The following TBX5 variants were observed in gnomAD, a reference collection of about 807,000 sequenced individuals.
TBX5 encodes the protein T-box transcription factor 5, also known as T-box transcription factor TBX5.
A neutral mutation model predicts 51.1 loss-of-function variants in TBX5; 8 were observed. The ratio of observed to expected loss-of-function variants is 0.16; its 90% CI spans 0.09 to 0.28. The LOEUF is 0.28. TBX5 is among the 10% of genes least tolerant of loss of function. TBX5 has a pLI of 1.00. For missense variants in TBX5, 589 were observed against 671.7 expected, an observed-to-expected ratio of 0.88 and a Z score of 1.36; for synonymous variants, 302 against 266.4, an observed-to-expected ratio of 1.13 and a Z score of -1.30.
chr12:114,365,394 A>G (rs1023813985), intron 8 of TBX5, among the ~76,000 whole-genome samples: 15 of 152,098 alleles, frequency 9.9e-5, no homozygotes, highest in African/African-American at 3.6e-4. Flanking sequence ...TTTCCAGTCA[A>G]TTCTTCCTCC....
chr12:114,363,658 T>C (rs533010936), intron 8 of TBX5, among the ~76,000 whole-genome samples: 1 of 152,222 alleles, frequency 6.6e-6, no homozygotes, highest in South Asian at 2.1e-4. Context: ...AGAGTAGTGG[T>C]GAAATGCACA....
At chr12:114,381,714 AT>A (rs1870514850) in intron 7 of TBX5, among the ~76,000 whole-genome samples, 1 of 152,122 alleles carries the variant, frequency 6.6e-6, no homozygotes, top group Non-Finnish European at 1.5e-5. Flanking sequence ...TAGAACAAGA[AT>A]TGACCCCAGG....
intron 6 of TBX5, among the ~76,000 whole-genome samples, chr12:114,393,741 C>T (rs970075392): frequency 9.2e-5 from 14 of 152,154 alleles, no homozygotes; most frequent in Admixed American, 5.9e-4. Flanking sequence ...GACAGCATAC[C>T]GCCCCTACAC....
intron 8 of TBX5, among the ~76,000 whole-genome samples, chr12:114,364,605 C>T (rs998391615): frequency 3.3e-5 from 5 of 152,178 alleles, no homozygotes; most frequent in Non-Finnish European, 1.5e-5. Flanking sequence ...CTGTATCTGT[C>T]TTCTCAAGCT....
chr12:114,379,198 C>T (rs140403075), intron 7 of TBX5, among the ~76,000 whole-genome samples: 79 of 152,304 alleles, frequency 5.2e-4, no homozygotes, highest in African/African-American at 1.8e-3. Context: ...AATAGCATGA[C>T]CCACCAATCA....
chr12:114,376,974 C>A (rs1168980914), intron 7 of TBX5, among the ~76,000 whole-genome samples: 1 of 151,948 alleles, frequency 6.6e-6, no homozygotes, highest in African/African-American at 2.4e-5. Context: ...CATGCCTTGA[C>A]AAATAACCAT....
intron 6 of TBX5, among the ~76,000 whole-genome samples, chr12:114,389,492 C>T (rs528554106): frequency 2.0e-5 from 3 of 151,734 alleles, no homozygotes; most frequent in South Asian, 2.1e-4. Flanking sequence ...CGGTGGCTCA[C>T]GCCTGTAATC....
chr12:114,403,739 G>T lies in TBX5; in HGVS notation c.147+13C>A, dbSNP rs201290379. On this transcript the variant is annotated intron_variant, in intron 2 of 8. Coordinates refer to ENST00000405440, the MANE Select transcript of TBX5 (RefSeq NM_181486.4). ...ATCTCTGCAAAGGGACCCGAAGCGC[G>T]AGGTCTCCTTACCTGCTGGGTGAAG... The T allele has an allele frequency of 1.2e-4, 196 of 1,612,444 alleles. 1 individual carries two copies. Among genetic ancestry groups the T allele is most frequent in the South Asian group, 1.1e-3 (102 of 91,044 alleles).
intron 1 of TBX5, among the ~76,000 whole-genome samples, chr12:114,404,877 G>A (rs755792834): frequency 6.6e-6 from 1 of 152,234 alleles, no homozygotes; most frequent in Non-Finnish European, 1.5e-5. Flanking sequence ...CTAGGCTGGA[G>A]ACATTGAATC....
chr12:114,387,114 A>C (rs57019446), intron 6 of TBX5, among the ~76,000 whole-genome samples: 39,131 of 149,392 alleles, frequency 0.26, 5,203 homozygotes, highest in South Asian at 0.34. Flanking sequence ...TCAAAAAAAA[A>C]ACAAAAAACA....
chr12:114,377,564 T>C lies in TBX5; in HGVS notation c.755+7912A>G, dbSNP rs11067090. Among the ~76,000 whole-genome samples, 2,648 of 152,008 alleles carry C rather than the reference T, an allele frequency of 0.017. 324 individuals carry two copies. In the East Asian group the frequency reaches 0.35, roughly 20 times the overall value. On this transcript the variant is annotated intron_variant, in intron 7 of 8. Transcript: ENST00000405440. ...GGCTATCATGTCCAGTTAATCTTTTTTTTTTTTTTTATCTTTTTCTTTTTC... is the reference window on the plus strand; with the variant it reads ...GGCTATCATGTCCAGTTAATCTTTTCTTTTTTTTTTATCTTTTTCTTTTTC...
chr12:114,399,761 G>A (rs1871682133), intron 3 of TBX5, 129 bp from the exon 4 acceptor site: 13 of 1,438,912 alleles, frequency 9.0e-6, no homozygotes, highest in African/African-American at 1.4e-5. Context: ...GCCCCGTTCC[G>A]CTCTCCGCAA....
At chr12:114,363,966 C>T (rs982217321) in intron 8 of TBX5, among the ~76,000 whole-genome samples, 8 of 152,174 alleles carry the variant, frequency 5.3e-5, no homozygotes, top group African/African-American at 1.2e-4. Context: ...GCAGACGTGC[C>T]GGGAGTCACG....
At chr12:114,397,501 T>C (rs1222461341) in intron 5 of TBX5, among the ~76,000 whole-genome samples, 2 of 152,248 alleles carry the variant, frequency 1.3e-5, no homozygotes, top group Non-Finnish European at 2.9e-5. Context: ...AGTAATTAAT[T>C]ATCTTCTACG....
At chr12:114,358,439 A>G (rs1225195553) in intron 8 of TBX5, among the ~76,000 whole-genome samples, 2 of 152,168 alleles carry the variant, frequency 1.3e-5, no homozygotes, top group African/African-American at 4.8e-5. Context: ...ATAGCTCCCA[A>G]ACCCAGGTAG....
chr12:114,376,270 T>TAC (rs1481779773), intron 7 of TBX5, among the ~76,000 whole-genome samples: 2 of 146,990 alleles, frequency 1.4e-5, no homozygotes, highest in African/African-American at 5.1e-5. Flanking sequence ...GGTGTGTATA[T>TAC]ATATACACAC....
chr12:114,380,324 T>C (rs1593861390), intron 7 of TBX5, among the ~76,000 whole-genome samples: 1 of 152,338 alleles, frequency 6.6e-6, no homozygotes, highest in Middle Eastern at 3.4e-3. Flanking sequence ...CAAGCCTTTC[T>C]TTGTAGGTGG....
intron 8 of TBX5, among the ~76,000 whole-genome samples, chr12:114,359,839 G>T (rs545326941): frequency 4.7e-4 from 72 of 152,278 alleles, no homozygotes; most frequent in African/African-American, 1.6e-3. Context: ...TTTAATTGAG[G>T]TAATAATGAG....
upstream of TBX5, among the ~76,000 whole-genome samples, chr12:114,406,478 C>T (rs866036854): frequency 1.3e-5 from 2 of 152,124 alleles, no homozygotes; most frequent in Non-Finnish European, 2.9e-5. Flanking sequence ...CACAAACACA[C>T]CGCGGGCCTC....
Sources: allele counts gnomAD v4.1 joint callset (sites outside exome capture counted in the v4.1 genomes callset), GRCh38; gene constraint gnomAD v4.1.1; transcripts MANE v1.5; gene names NCBI Gene and HGNC (gene_info 2026-07-23, HGNC 2026-07-21).